BNC2: variants seen among roughly 807,000 people sequenced by gnomAD.
The protein encoded by BNC2 is basonuclin zinc finger protein 2.
A neutral mutation model predicts 76.3 loss-of-function variants in BNC2; 20 were observed. The observed-to-expected ratio is 0.26, with a 90% confidence interval of 0.18 to 0.38. The LOEUF is 0.38. BNC2 is among the 10% of genes least tolerant of loss of function. The pLI, the probability that BNC2 is intolerant of heterozygous loss-of-function variation, is 1.00. For synonymous variants in BNC2, 582 were observed against 514.8 expected, an observed-to-expected ratio of 1.13 and a Z score of -1.77; for missense variants, 1,382 against 1,399.8, an observed-to-expected ratio of 0.99 and a Z score of 0.20.
At chr9:16,574,410 T>A (rs1819425416) in intron 4 of BNC2, among the ~76,000 whole-genome samples, 2 of 152,218 alleles carry the variant, frequency 1.3e-5, no homozygotes, top group South Asian at 2.1e-4. Flanking sequence ...AATATTACTA[T>A]AATTTATTTT....
intron 1 of BNC2, among the ~76,000 whole-genome samples, chr9:16,801,572 A>C (rs1487835272): frequency 6.6e-6 from 1 of 152,024 alleles, no homozygotes; most frequent in Non-Finnish European, 1.5e-5. Flanking sequence ...TTTAGCAAAC[A>C]AGCTCATTCA....
intron 5 of BNC2, among the ~76,000 whole-genome samples, chr9:16,550,269 G>A (rs1818618472): frequency 6.6e-6 from 1 of 151,728 alleles, no homozygotes; most frequent in African/African-American, 2.4e-5. Context: ...TTTTTTTTAA[G>A]CTCATCAGCT....
intron 3 of BNC2, among the ~76,000 whole-genome samples, chr9:16,659,436 C>T (rs1822038483): frequency 6.6e-6 from 1 of 151,844 alleles, no homozygotes; most frequent in Non-Finnish European, 1.5e-5. Context: ...GGTGAAACCC[C>T]ATCTCTACTA....
chr9:16,527,696 A>G (rs967761676), intron 5 of BNC2, among the ~76,000 whole-genome samples: 2 of 152,198 alleles, frequency 1.3e-5, no homozygotes, highest in Non-Finnish European at 2.9e-5. Flanking sequence ...GTTGAGAGGC[A>G]AAAAAGATTA....
intron 3 of BNC2, among the ~76,000 whole-genome samples, chr9:16,720,642 C>G (rs1371685342): frequency 6.6e-6 from 1 of 151,976 alleles, no homozygotes; most frequent in Non-Finnish European, 1.5e-5. Context: ...AACTGATGGG[C>G]TTAATTAAAG....
At chr9:16,766,009 G>C (rs1049472787) in intron 1 of BNC2, among the ~76,000 whole-genome samples, 40 of 152,082 alleles carry the variant, frequency 2.6e-4, no homozygotes, top group East Asian at 9.7e-4. Context: ...GGATGTTCTC[G>C]ATCTCCTGAC....
At chr9:16,448,463 TATTGGTATAGA>T (rs1260944655) in intron 5 of BNC2, among the ~76,000 whole-genome samples, 1 of 152,194 alleles carries the variant, frequency 6.6e-6, no homozygotes, top group Non-Finnish European at 1.5e-5. Context: ...AGATTACTGA[TATTGGTATAGA>T]ACTTCCAAAG....
rs1821425494 is a variant in BNC2 at position 16,639,511 on chromosome 9, T to C, written c.331-56426A>G. On this transcript the variant is annotated intron_variant, in intron 3 of 6. Coordinates refer to ENST00000380672, the MANE Select transcript of BNC2 (RefSeq NM_017637.6). Reference sequence around the variant, plus strand: ...ACTATATTCTTTTCTATTATCTTTATGTTAGTGCCTCTTCGTTAATTCTCA... The same window carrying C: ...ACTATATTCTTTTCTATTATCTTTACGTTAGTGCCTCTTCGTTAATTCTCA... 2.6e-5 allele frequency among the ~76,000 whole-genome samples: 4 copies of C among 152,192 alleles called. No individual in the cohort carries two copies. In the South Asian group the frequency reaches 8.3e-4, roughly 32 times the overall value.
intron 3 of BNC2, among the ~76,000 whole-genome samples, chr9:16,660,227 G>T (rs1822069725): frequency 6.6e-6 from 1 of 152,162 alleles, no homozygotes; most frequent in Non-Finnish European, 1.5e-5. Flanking sequence ...GGCCGAGTCG[G>T]GCGGATCACC....
intron 3 of BNC2, among the ~76,000 whole-genome samples, chr9:16,712,188 G>A (rs541859723): frequency 2.0e-5 from 3 of 152,256 alleles, no homozygotes; most frequent in East Asian, 1.9e-4. Context: ...TAGCTCCCCC[G>A]CTTCAAGTAG....
chr9:16,637,629 A>G (rs1445954128), intron 3 of BNC2, among the ~76,000 whole-genome samples: 1 of 152,214 alleles, frequency 6.6e-6, no homozygotes, highest in Non-Finnish European at 1.5e-5. Flanking sequence ...AAAAAAGCAA[A>G]AACAGTAACT....
At chr9:16,644,868 T>C (rs536814075) in intron 3 of BNC2, among the ~76,000 whole-genome samples, 4 of 152,328 alleles carry the variant, frequency 2.6e-5, no homozygotes, top group South Asian at 2.1e-4. Context: ...CTGATTTAGG[T>C]ACTTACTTTG....
intron 5 of BNC2, among the ~76,000 whole-genome samples, chr9:16,501,236 A>C (rs770417127): frequency 7.9e-5 from 12 of 152,174 alleles, no homozygotes; most frequent in Non-Finnish European, 1.3e-4. Flanking sequence ...CCTTTCAAAC[A>C]TTCTTCTGAA....
intron 1 of BNC2, among the ~76,000 whole-genome samples, chr9:16,826,974 C>T (rs1480426741): frequency 6.6e-6 from 1 of 152,102 alleles, no homozygotes; most frequent in East Asian, 1.9e-4. Context: ...GCAGAAAAAC[C>T]AAAGGTTAAT....
chr9:16,497,986 T>TGG (rs1266252807), intron 5 of BNC2, among the ~76,000 whole-genome samples: 16 of 114,388 alleles, frequency 1.4e-4, no homozygotes, highest in Non-Finnish European at 2.3e-4. Flanking sequence ...GTGGTGTGTG[T>TGG]GTGTGTGTGT....
At chr9:16,772,861 T>C (rs1464357882) in intron 1 of BNC2, among the ~76,000 whole-genome samples, 1 of 152,220 alleles carries the variant, frequency 6.6e-6, no homozygotes, top group Non-Finnish European at 1.5e-5. Context: ...ATTCTTTTTC[T>C]GGAGAAACAT....
chr9:16,475,906 G>A (rs1221184254), intron 5 of BNC2: 1 of 152,192 alleles, frequency 6.6e-6, no homozygotes, highest in Non-Finnish European at 1.5e-5. Context: ...TCCTTTTGAT[G>A]CATTTTCCTT....
At chr9:16,856,605 T>C (rs1819264707) in intron 1 of BNC2, among the ~76,000 whole-genome samples, 1 of 152,188 alleles carries the variant, frequency 6.6e-6, no homozygotes, top group Non-Finnish European at 1.5e-5. Context: ...ACAAGGGACA[T>C]TTACTGGGTG....
intron 1 of BNC2, among the ~76,000 whole-genome samples, chr9:16,787,637 G>A (rs1317881023): frequency 2.0e-5 from 3 of 152,144 alleles, no homozygotes; most frequent in Non-Finnish European, 2.9e-5. Context: ...TATTTTTGTG[G>A]TGAATCACCT....
Sources: gnomAD v4.1 joint callset for allele counts (sites outside exome capture counted in the v4.1 genomes callset) on GRCh38, gnomAD v4.1.1 for gene constraint, MANE v1.5 for transcripts, NCBI Gene and HGNC (gene_info 2026-07-23, HGNC 2026-07-21) for gene names.